Variants in IL1RAPL2 observed in about 807,000 individuals in gnomAD.
IL1RAPL2 encodes X-linked interleukin-1 receptor accessory protein-like 2.
Under a neutral mutation model 44.1 loss-of-function variants are expected in IL1RAPL2, and 3 were observed. The ratio of observed to expected loss-of-function variants is 0.07; its 90% confidence interval spans 0.03 to 0.18. The LOEUF (loss-of-function observed/expected upper bound fraction) is 0.18. Ranked by LOEUF, IL1RAPL2 falls within the 10% of genes least tolerant of loss-of-function variation. The pLI is 1.00. For synonymous variants in IL1RAPL2, 181 were observed against 178.8 expected (o/e 1.01, Z -0.10); for missense variants, 391 against 496.4 (o/e 0.79, Z 2.02).
chrX:105,237,721 T>A (rs920806707), intron 4 of IL1RAPL2, among the ~76,000 whole-genome samples: 15 of 111,602 alleles, frequency 1.3e-4, no homozygotes, highest in Non-Finnish European at 2.6e-4. Context: ...TTGAGTTCTT[T>A]GTAGATTCTA....
intron 2 of IL1RAPL2, among the ~76,000 whole-genome samples, chrX:104,851,127 T>C (rs1922212971): frequency 9.0e-6 from 1 of 111,129 alleles, no homozygotes; most frequent in East Asian, 2.8e-4. Context: ...AGCTTTTAAT[T>C]GGCTGTCTTG....
chrX:104,643,734 A>G (rs1010191887), intron 1 of IL1RAPL2, among the ~76,000 whole-genome samples: 16 of 111,179 alleles, frequency 1.4e-4, no homozygotes, highest in Non-Finnish European at 3.0e-4. Context: ...CCTAAGTGTA[A>G]CTTCAGAGTA....
chrX:104,887,867 T>C (rs770512205), intron 2 of IL1RAPL2, among the ~76,000 whole-genome samples: 18 of 111,656 alleles, frequency 1.6e-4, no homozygotes, highest in Middle Eastern at 9.2e-3. Context: ...TAACCATACT[T>C]GAAAATAAGC....
chrX:104,724,208 T>G (rs1931741677), intron 2 of IL1RAPL2, among the ~76,000 whole-genome samples: 1 of 111,384 alleles, frequency 9.0e-6, no homozygotes, highest in Non-Finnish European at 1.9e-5. Flanking sequence ...CTACAGAGAT[T>G]AGTAAACTGA....
chrX:105,584,826 AATC>A (rs1247814871), intron 6 of IL1RAPL2, among the ~76,000 whole-genome samples: 3 of 110,918 alleles, frequency 2.7e-5, no homozygotes, highest in African/African-American at 9.8e-5. Flanking sequence ...GGAAATCTTC[AATC>A]ATCATTTTTT....
At position 105,011,137 on chromosome X, in the gene IL1RAPL2, A is replaced by G. The variant is rs1462735056; in HGVS notation, c.83-184338A>G. ...ACTTTGGGCAATTTACTTAACTTCT[A>G]TAAGCCTGCTTCCTCATATGTAAAG... On this transcript the variant is annotated intron_variant, in intron 2 of 10. Transcript: ENST00000372582. 2.7e-5 allele frequency among the ~76,000 whole-genome samples: 3 copies of G among 111,226 alleles called. No homozygotes were observed. In the Admixed American group the frequency reaches 2.9e-4, roughly 11 times the overall value.
At chrX:104,977,508 G>A (rs2187705) in intron 2 of IL1RAPL2, among the ~76,000 whole-genome samples, 46,447 of 110,600 alleles carry the variant, frequency 0.42, 7,060 homozygotes, top group East Asian at 0.46. Flanking sequence ...ACTGATTGCC[G>A]TCATCGCCAC....
chrX:105,600,682 A>AAT (rs2037245051), intron 6 of IL1RAPL2, among the ~76,000 whole-genome samples: 1 of 55,040 alleles, frequency 1.8e-5, no homozygotes, highest in Middle Eastern at 0.011. Flanking sequence ...TTGATAATAG[A>AAT]ATATTTAATT....
At chrX:105,460,036 C>A (rs1221936329) in intron 5 of IL1RAPL2, among the ~76,000 whole-genome samples, 1 of 111,197 alleles carries the variant, frequency 9.0e-6, no homozygotes, top group Non-Finnish European at 1.9e-5. Context: ...CCTTTGCCAG[C>A]AGATTGTCCA....
At chrX:104,680,718 T>C (rs912596670) in intron 2 of IL1RAPL2, among the ~76,000 whole-genome samples, 1 of 111,776 alleles carries the variant, frequency 8.9e-6, no homozygotes, top group Non-Finnish European at 1.9e-5. Context: ...TCTGACCTTC[T>C]TGTGTTTCCA....
At chrX:104,632,080 A>G (rs1304032219) in intron 1 of IL1RAPL2, among the ~76,000 whole-genome samples, 3 of 111,548 alleles carry the variant, frequency 2.7e-5, no homozygotes. Flanking sequence ...TTTTCCCAGC[A>G]CCATTTATTA....
At chrX:104,750,787 G>A (rs114253175) in intron 2 of IL1RAPL2, among the ~76,000 whole-genome samples, 2,086 of 111,038 alleles carry the variant, frequency 0.019, 52 homozygotes, top group African/African-American at 0.064. Flanking sequence ...ACTTGCTATT[G>A]TTGTGGTATT....
At chrX:104,571,511 G>A (rs1928149227) in intron 1 of IL1RAPL2, among the ~76,000 whole-genome samples, 1 of 111,194 alleles carries the variant, frequency 9.0e-6, no homozygotes, top group African/African-American at 3.3e-5. Context: ...CTGTTCTTGT[G>A]GTAGTGAATA....
chrX:104,918,015 A>C (rs1010594368), intron 2 of IL1RAPL2, among the ~76,000 whole-genome samples: 14 of 109,091 alleles, frequency 1.3e-4, no homozygotes, highest in Non-Finnish European at 2.3e-4. Flanking sequence ...ACCAGAGAAG[A>C]TTTTAGGACT....
At chrX:104,800,335 T>A (rs1200247785) in intron 2 of IL1RAPL2, among the ~76,000 whole-genome samples, 1 of 110,616 alleles carries the variant, frequency 9.0e-6, no homozygotes, top group Non-Finnish European at 1.9e-5. Context: ...AGATTATATA[T>A]GTATAGCATA....
In IL1RAPL2 at chrX:105,739,344, G is replaced by T. The variant is rs112011182; in HGVS notation, c.903-1202G>T. On this transcript the variant is annotated intron_variant, in intron 7 of 10. Coordinates refer to ENST00000372582, the MANE Select transcript of IL1RAPL2 (RefSeq NM_017416.2). ...TTTTTTAATGCCAGAAATGTTTTAC[G>T]ATTTATTTATTTATTTATTATACTT... Among the ~76,000 whole-genome samples, 369 of 108,575 alleles carry T rather than the reference G, an allele frequency of 3.4e-3. 1 individual carries two copies. The highest frequency in any genetic ancestry group is 0.012 in the African/African-American group (355 of 29,558). The allele number at this position is 108,575 out of a possible 115,157, so 94.3% of individuals were successfully genotyped here.
intron 5 of IL1RAPL2, among the ~76,000 whole-genome samples, chrX:105,366,223 G>A (rs758148841): frequency 8.1e-5 from 9 of 111,222 alleles, no homozygotes; most frequent in Non-Finnish European, 1.7e-4. Context: ...CAGGGATTAC[G>A]GGCATGAGTC....
intron 5 of IL1RAPL2, among the ~76,000 whole-genome samples, chrX:105,442,663 G>A (rs1302971163): frequency 7.1e-5 from 8 of 112,018 alleles, no homozygotes; most frequent in Non-Finnish European, 1.1e-4. Flanking sequence ...ATTTACACCC[G>A]AATCTTTGTA....
chrX:105,520,923 C>CTTTCTTTT lies in IL1RAPL2; in HGVS notation c.772+36539_772+36540insCTTTTTTT, dbSNP rs2036550531. On this transcript the variant is annotated intron_variant, in intron 6 of 10. Coordinates refer to ENST00000372582, the MANE Select transcript of IL1RAPL2 (RefSeq NM_017416.2). ...CAATATTATAGCTATTTCTTTCTTT[C>CTTTCTTTT]TTTTTTTTTTTTTTTTTTTTTTTTT... Among the ~76,000 whole-genome samples the CTTTCTTTT allele has an allele frequency of 3.6e-4, 19 of 52,358 alleles. No homozygotes were observed. The East Asian group carries it at 3.9e-3, about 11-fold the overall frequency. The allele number at this position is 52,358 out of a possible 115,157, so 45.5% of individuals were successfully genotyped here. A position where few individuals can be genotyped will look rare whatever the true frequency, so the allele number is the denominator to read the frequency against.
Sources: allele counts gnomAD v4.1 joint callset (sites outside exome capture counted in the v4.1 genomes callset), GRCh38; gene constraint gnomAD v4.1.1; transcripts MANE v1.5; gene names NCBI Gene and HGNC (gene_info 2026-07-23, HGNC 2026-07-21).